DIS3L: variants seen among roughly 807,000 people sequenced by gnomAD.
The protein encoded by DIS3L is DIS3-like exonuclease 1.
A neutral mutation model predicts 120.3 loss-of-function variants in DIS3L; 100 were observed. That is an observed-to-expected ratio of 0.83 (90% CI 0.71 to 0.98). The LOEUF (loss-of-function observed/expected upper bound fraction) is 0.98, where lower values mean the gene tolerates loss of function less well. Ranked by LOEUF, DIS3L falls within the 50% of genes least tolerant of loss-of-function variation. DIS3L has a pLI of 0.00. For missense variants in DIS3L, 1,196 were observed against 1,314.2 expected (o/e 0.91, Z 1.39); for synonymous variants, 426 against 470.6 (o/e 0.91, Z 1.23).
intron 11 of DIS3L, 108 bp from the exon 12 acceptor site, chr15:66,325,723 T>TAATG: frequency 7.8e-7 from 1 of 1,287,516 alleles, no homozygotes; most frequent in Non-Finnish European, 1.1e-6. Context: ...ATCATGCCAT[T>TAATG]GCACTCCAGC....
At chr15:66,300,652 G>A (rs2092638219) in intron 2 of DIS3L, among the ~76,000 whole-genome samples, 1 of 152,150 alleles carries the variant, frequency 6.6e-6, no homozygotes, top group South Asian at 2.1e-4. Context: ...TCTAGAACTA[G>A]TGATAGATTT....
intron 11 of DIS3L, among the ~76,000 whole-genome samples, chr15:66,325,138 A>G (rs952243195): frequency 3.6e-4 from 55 of 152,330 alleles, no homozygotes; most frequent in Non-Finnish European, 6.3e-4. Flanking sequence ...TCACGCCTAT[A>G]ATCCTAGCAC....
At position 66,308,799 on chromosome 15, in the gene DIS3L, G is replaced by A; in HGVS notation, c.513G>A (p.Gln171=). The change falls in exon 4 of 17, where the codon CAG becomes CAA. Residue 171 remains glutamine (Q), a synonymous_variant. Transcript: ENST00000319212. ...VMVTEDEEAI[Q]QYGSETEGVF... ...TGACAGAAGATGAAGAGGCAATTCA[G>A]CAGTATGGAAGTGAAACAGAAGGAG... The A allele has an allele frequency of 6.2e-7, 1 of 1,613,558 alleles. No individual in the cohort carries two copies.
chr15:66,309,223 G>A (rs149618345), intron 4 of DIS3L, among the ~76,000 whole-genome samples: 24 of 149,884 alleles, frequency 1.6e-4, no homozygotes, highest in African/African-American at 5.1e-4. Context: ...CTGTACTAAT[G>A]CCTGAGTGAC....
chr15:66,308,903 T>C, intron 4 of DIS3L, 59 bp downstream of exon 4: 2 of 1,524,044 alleles, frequency 1.3e-6, no homozygotes, highest in Non-Finnish European at 8.9e-7. Context: ...CCCATAAGGC[T>C]CTAGATCCCT....
chr15:66,326,460 C>A, intron 12 of DIS3L, 96 bp downstream of exon 12: 1 of 1,336,844 alleles, frequency 7.5e-7, no homozygotes, highest in South Asian at 1.5e-5. Context: ...AGATCTTTGA[C>A]CAAAAAGAGA....
rs1266107245 is a variant in DIS3L, at chr15:66,326,582, T to C, written c.2201+218T>C. On this transcript the variant is annotated intron_variant, in intron 12 of 16. Transcript: ENST00000319212. ...GGCATAATTTTGTTCCTTGGTTTTT[T>C]GTTTCAATTTTTTTTTAGATAGAGT... 5.3e-6 allele frequency: 3 copies of C among 562,126 alleles called. No homozygotes were observed. In the East Asian group the frequency reaches 1.0e-4, roughly 19 times the overall value. The allele number at this position is 562,126 out of a possible 1,614,324, so 34.8% of individuals were successfully genotyped here.
chr15:66,311,795 A>ACGGGAGAGAGAGAATGAGAGT lies in DIS3L; in HGVS notation c.632_652dup (p.Arg211_Ser217dup), dbSNP rs1181671844. On this transcript the variant is annotated inframe_insertion, in exon 5 of 17. Coordinates refer to ENST00000319212, the MANE Select transcript of DIS3L (RefSeq NM_001143688.3). ...TTTGTGATTCTATCCTTCAGTCTCGACGGGAGAGAGAGAATGAGAGTCAGG... is the reference window on the plus strand; with the variant it reads ...TTTGTGATTCTATCCTTCAGTCTCGACGGGAGAGAGAGAATGAGAGTCGGGAGAGAGAGAATGAGAGTCAGG... 1 of 1,614,022 alleles carries ACGGGAGAGAGAGAATGAGAGT rather than the reference A, an allele frequency of 6.2e-7. No homozygotes were observed. The highest frequency in any genetic ancestry group is 1.3e-5 in the African/African-American group (1 of 74,912).
chr15:66,313,761 G>A (rs1281007167), intron 5 of DIS3L, among the ~76,000 whole-genome samples: 1 of 126,650 alleles, frequency 7.9e-6, no homozygotes, highest in Non-Finnish European at 1.9e-5. Context: ...GTATATGTGT[G>A]TGTGTGTGTA....
chr15:66,294,756 C>T (rs1446034444), intron 1 of DIS3L, among the ~76,000 whole-genome samples: 1 of 152,166 alleles, frequency 6.6e-6, no homozygotes, highest in South Asian at 2.1e-4. Flanking sequence ...TCTCCGGCAC[C>T]TCTGGCAACA....
chr15:66,323,447 C>T (rs1318623890), intron 10 of DIS3L, 46 bp from the exon 11 acceptor site: 3 of 1,595,576 alleles, frequency 1.9e-6, no homozygotes, highest in East Asian at 4.5e-5. Flanking sequence ...AGCAGTTCTG[C>T]TTCTCCCTGC....
chr15:66,303,115 G>C (rs8042250), intron 2 of DIS3L, among the ~76,000 whole-genome samples: 80 of 152,028 alleles, frequency 5.3e-4, no homozygotes, highest in African/African-American at 1.9e-3. Context: ...AATGTGTCAG[G>C]GTTCACCCAT....
chr15:66,325,889 T>G lies in DIS3L; in HGVS notation c.1726T>G (p.Trp576Gly). ...DKASYEIKKV[W>G]YGRTIIRSAY... Reference sequence around the variant, plus strand: ...AGCCTCTTATGAAATTAAGAAAGTGTGGTATGGCAGAACCATTATTCGATC... The same window carrying G: ...AGCCTCTTATGAAATTAAGAAAGTGGGGTATGGCAGAACCATTATTCGATC... Residue 576 changes from tryptophan to glycine, a missense_variant, in exon 12 of 17, where the codon TGG (tryptophan) becomes GGG (glycine). Trp to Gly is a radical substitution (Grantham distance 184, BLOSUM62 -2). Coordinates refer to ENST00000319212, the MANE Select transcript of DIS3L (RefSeq NM_001143688.3). 1.9e-6 allele frequency: 3 copies of G among 1,613,860 alleles called. No individual in the cohort carries two copies. The highest frequency in any genetic ancestry group is 2.5e-6 in the Non-Finnish European group (3 of 1,179,744).
chr15:66,328,732 T>G (rs781257548), intron 12 of DIS3L, among the ~76,000 whole-genome samples: 2 of 152,190 alleles, frequency 1.3e-5, no homozygotes, highest in Non-Finnish European at 2.9e-5. Flanking sequence ...AGTATTAAAA[T>G]CAGTACATGA....
At chr15:66,320,472 T>A (rs915756537) in intron 8 of DIS3L, 99 bp from the exon 9 acceptor site, 16 of 1,375,024 alleles carry the variant, frequency 1.2e-5, no homozygotes, top group Non-Finnish European at 1.6e-5. Flanking sequence ...CCACTCTCCT[T>A]GGAACCCAGT....
intron 9 of DIS3L, among the ~76,000 whole-genome samples, chr15:66,321,720 C>T (rs570642736): frequency 1.3e-5 from 2 of 150,522 alleles, no homozygotes; most frequent in Non-Finnish European, 2.9e-5. Flanking sequence ...GAGCCGAGAT[C>T]GCACCGCTGC....
Position 66,309,094 on chromosome 15 carries a change from A to AAAAAAAAAAAATATATATATATATATAT in DIS3L, c.558+251_558+252insAAAAAAAAAATATATATATATATATATA. ...CTTGTCTCTACAGAAAAAAAAAAAA[A>AAAAAAAAAAAATATATATATATATATAT]ATATATATATCTCCAAGCATGGTGG... On this transcript the variant is annotated intron_variant, in intron 4 of 16. Coordinates refer to ENST00000319212, the MANE Select transcript of DIS3L (RefSeq NM_001143688.3). Among the ~76,000 whole-genome samples, 45 of 15,308 alleles carry AAAAAAAAAAAATATATATATATATATAT rather than the reference A, an allele frequency of 2.9e-3. 15 individuals are homozygous for AAAAAAAAAAAATATATATATATATATAT. Among genetic ancestry groups the AAAAAAAAAAAATATATATATATATATAT allele is most frequent in the Non-Finnish European group, 3.5e-3 (29 of 8,306 alleles). The allele number at this position is 15,308 out of a possible 152,430, so 10.0% of individuals were successfully genotyped here.
In DIS3L at chr15:66,293,958, G is replaced by T. The variant is rs567317016; in HGVS notation, c.139+223G>T. The T allele has an allele frequency of 4.7e-4, 466 of 994,500 alleles. No homozygotes were observed. The South Asian group carries it at 5.3e-3, about 11-fold the overall frequency. The allele number at this position is 994,500 out of a possible 1,614,324, so 61.6% of individuals were successfully genotyped here. Reference sequence around the variant, plus strand: ...GCGCCCGGGACTCCCTTACTGCTCCGCCCTGTCCAATGGGAGGGCCCGACA... The same window carrying T: ...GCGCCCGGGACTCCCTTACTGCTCCTCCCTGTCCAATGGGAGGGCCCGACA... On this transcript the variant is annotated intron_variant, in intron 1 of 16. Coordinates refer to ENST00000319212, the MANE Select transcript of DIS3L (RefSeq NM_001143688.3).
chr15:66,321,948 T>C (rs1215974179), intron 9 of DIS3L, among the ~76,000 whole-genome samples: 1 of 152,182 alleles, frequency 6.6e-6, no homozygotes, highest in African/African-American at 2.4e-5. Context: ...CCCATTTGCA[T>C]TACCATAAGG....
Sources: allele counts gnomAD v4.1 joint callset (sites outside exome capture counted in the v4.1 genomes callset), GRCh38; gene constraint gnomAD v4.1.1; transcripts MANE v1.5; gene names NCBI Gene and HGNC (gene_info 2026-07-23, HGNC 2026-07-21).